Variants in CENPO observed in about 807,000 individuals in gnomAD.
The protein encoded by CENPO is centromere protein O.
Under a neutral mutation model 36.1 loss-of-function variants are expected in CENPO, and 30 were observed. The ratio of observed to expected loss-of-function variants is 0.83; its 90% CI spans 0.62 to 1.13. The LOEUF is 1.13. CENPO is among the 50% of genes most tolerant of loss of function. CENPO has a pLI of 0.00. For synonymous variants in CENPO, 171 were observed against 142.3 expected (o/e 1.20, Z -1.44); for missense variants, 349 against 357.8 (o/e 0.98, Z 0.20).
chr2:24,815,708 G>A lies in CENPO; in HGVS notation c.546G>A (p.Glu182=), dbSNP rs764090580. ...NIQHFLFSLC[E]YLNAYSGRKY... ...AGCACTTCCTGTTCAGTCTCTGCGA[G>A]TACCTGAATGCTTACTCTGGGAGGA... Residue 182 remains glutamate, a synonymous_variant, in exon 5 of 8, where the codon GAG becomes GAA. Transcript: ENST00000380834. The A allele has an allele frequency of 1.9e-6, 3 of 1,614,148 alleles. No homozygotes were observed. The highest frequency in any genetic ancestry group is 2.5e-6 in the Non-Finnish European group (3 of 1,179,982).
At position 24,821,720 on chromosome 2, in the gene CENPO, C is replaced by G. The variant is rs1247841672; in HGVS notation, c.*2402C>G. ...CTCTGCTGCCTTCCCTGGCAGTGTT[C>G]TGGGGGTGGATTCCCTACACCTAGA... On this transcript the variant is annotated 3_prime_UTR_variant, in exon 8 of 8. Transcript: ENST00000380834. The G allele has an allele frequency of 3.2e-6, 5 of 1,562,804 alleles. No individual in the cohort carries two copies. The highest frequency in any genetic ancestry group is 4.3e-6 in the Non-Finnish European group (5 of 1,153,678).
chr2:24,817,723 CTG>C lies in CENPO; in HGVS notation c.822_823del (p.Phe275LeufsTer40), dbSNP rs1667024866. On this transcript the variant is annotated frameshift_variant, in exon 7 of 8. Coordinates refer to ENST00000380834, the MANE Select transcript of CENPO (RefSeq NM_001322101.2). LOFTEE classifies it high-confidence loss of function. Reference protein sequence around the residue: ...WEEQRASHETLFCTKPLHQVF... With the variant: ...WEEQRASHETXFCTKPLHQVF... ...GGAGCAACGAGCATCTCATGAAACT[CTG>C]TTCTGTACGAAGCCCTTGCATCAAG... The C allele has an allele frequency of 1.2e-6, 2 of 1,614,100 alleles. No homozygotes were observed.
chr2:24,808,111 A>G (rs1270426082), intron 3 of CENPO, among the ~76,000 whole-genome samples: 1 of 152,134 alleles, frequency 6.6e-6, no homozygotes, highest in Non-Finnish European at 1.5e-5. Context: ...GTTTTAATGA[A>G]GTTTGATTTA....
rs755422857 is a variant in CENPO at position 24,819,436 on chromosome 2, G to A, written c.*118G>A. On this transcript the variant is annotated 3_prime_UTR_variant, in exon 8 of 8. Coordinates refer to ENST00000380834, the MANE Select transcript of CENPO (RefSeq NM_001322101.2). The stretch of plus-strand genomic sequence containing the variant: ...GACTAAGGGGACAGGAGTTCCAGAA[G>A]AACCTTTCAAGATGATCAGGAACAC... 2 of 153,134 alleles carry A rather than the reference G, an allele frequency of 1.3e-5. No individual in the cohort carries two copies. The highest frequency in any genetic ancestry group is 2.1e-4 in the South Asian group (1 of 4,832). The allele number at this position is 153,134 out of a possible 1,614,324, so 9.5% of individuals were successfully genotyped here.
chr2:24,803,675 T>C (rs1222869423), intron 3 of CENPO, among the ~76,000 whole-genome samples: 1 of 152,244 alleles, frequency 6.6e-6, no homozygotes, highest in East Asian at 1.9e-4. Context: ...GTAGTTTGAT[T>C]GCACTGTCGT....
rs1333561857 is a variant in CENPO at position 24,821,523 on chromosome 2, G to A, written c.*2205G>A. 5 of 1,614,018 alleles carry A rather than the reference G, an allele frequency of 3.1e-6. No homozygotes were observed. Among genetic ancestry groups the A allele is most frequent in the Non-Finnish European group, 3.4e-6 (4 of 1,179,958 alleles). ...GCCAGCTGGGGGTGCTCACCTATGCGCAGCATGAAGTTATTGAAGGACTGG... is the reference window on the plus strand; with the variant it reads ...GCCAGCTGGGGGTGCTCACCTATGCACAGCATGAAGTTATTGAAGGACTGG... On this transcript the variant is annotated 3_prime_UTR_variant, in exon 8 of 8. Transcript: ENST00000380834.
At chr2:24,800,505 T>C (rs1666114293) in intron 3 of CENPO, among the ~76,000 whole-genome samples, 1 of 116,876 alleles carries the variant, frequency 8.6e-6, no homozygotes. Context: ...GGCCCCGGTG[T>C]GTGATGTTCC....
Position 24,821,782 on chromosome 2 carries a change from G to T in CENPO, c.*2464G>T, listed in dbSNP as rs771782940. ...TTACTTTTCCTCCCACAAAGGAGTC[G>T]CAGCCACGCTAGCTCTGACTTGCCA... On this transcript the variant is annotated 3_prime_UTR_variant, in exon 8 of 8. Transcript: ENST00000380834. The T allele has an allele frequency of 1.0e-5, 13 of 1,255,336 alleles. No individual in the cohort carries two copies. The highest frequency in any genetic ancestry group is 1.4e-5 in the Non-Finnish European group (13 of 915,776). The allele number at this position is 1,255,336 out of a possible 1,614,324, so 77.8% of individuals were successfully genotyped here. A position where few individuals can be genotyped will look rare whatever the true frequency, so the allele number is the denominator to read the frequency against.
At chr2:24,805,826 G>A (rs1380557875) in intron 3 of CENPO, among the ~76,000 whole-genome samples, 1 of 152,192 alleles carries the variant, frequency 6.6e-6, no homozygotes, top group Non-Finnish European at 1.5e-5. Context: ...GCTGCGTGCT[G>A]GGAGAACCAC....
At chr2:24,817,988 C>T (rs1667038799) in intron 7 of CENPO, 147 bp downstream of exon 7, 1 of 576,178 alleles carries the variant, frequency 1.7e-6, no homozygotes, top group South Asian at 2.7e-5. Context: ...TTGAACAATT[C>T]CCATGATCAC....
At position 24,821,123 on chromosome 2, in the gene CENPO, G is replaced by A; in HGVS notation, c.*1805G>A. 1 of 469,562 alleles carries A rather than the reference G, an allele frequency of 2.1e-6. No homozygotes were observed. Among genetic ancestry groups the A allele is most frequent in the South Asian group, 2.8e-5 (1 of 35,604 alleles). The allele number at this position is 469,562 out of a possible 1,614,324, so 29.1% of individuals were successfully genotyped here. ...CACAGCTGGTATTTCAAGTCTCCTG[G>A]GACCTCACTCAGGAATGATACCCCC... On this transcript the variant is annotated 3_prime_UTR_variant, in exon 8 of 8. Transcript: ENST00000380834.
chr2:24,793,551 C>G, intron 1 of CENPO, 50 bp downstream of exon 1: 1 of 1,522,750 alleles, frequency 6.6e-7, no homozygotes, highest in Non-Finnish European at 8.8e-7. Context: ...CGGACCGGAC[C>G]GTGGCCAGGG....
At chr2:24,804,739 TC>T (rs1666307312) in intron 3 of CENPO, among the ~76,000 whole-genome samples, 1 of 152,216 alleles carries the variant, frequency 6.6e-6, no homozygotes, top group South Asian at 2.1e-4. Flanking sequence ...GCCCGACCTT[TC>T]TCTCTGGCTG....
Position 24,821,776 on chromosome 2 carries a change from G to C in CENPO, c.*2458G>C. 1 of 1,345,422 alleles carries C rather than the reference G, an allele frequency of 7.4e-7. No homozygotes were observed. The highest frequency in any genetic ancestry group is 1.5e-5 in the African/African-American group (1 of 68,646). The allele number at this position is 1,345,422 out of a possible 1,614,324, so 83.3% of individuals were successfully genotyped here. ...AAGGCCTTACTTTTCCTCCCACAAA[G>C]GAGTCGCAGCCACGCTAGCTCTGAC... On this transcript the variant is annotated 3_prime_UTR_variant, in exon 8 of 8. Coordinates refer to ENST00000380834, the MANE Select transcript of CENPO (RefSeq NM_001322101.2).
intron 2 of CENPO, among the ~76,000 whole-genome samples, chr2:24,797,079 C>T (rs558584252): frequency 6.6e-6 from 1 of 152,262 alleles, no homozygotes; most frequent in South Asian, 2.1e-4. Flanking sequence ...GTATGGGCCA[C>T]CTAGGAAACT....
At chr2:24,802,045 C>T (rs1251416149) in intron 3 of CENPO, among the ~76,000 whole-genome samples, 2 of 152,168 alleles carry the variant, frequency 1.3e-5, no homozygotes, top group African/African-American at 2.4e-5. Flanking sequence ...TCCTTCACAT[C>T]CCTTGTAAGT....
chr2:24,821,770 C>G lies in CENPO; in HGVS notation c.*2452C>G, dbSNP rs1269671926. ...ATGTTCAAGGCCTTACTTTTCCTCCCACAAAGGAGTCGCAGCCACGCTAGC... is the reference window on the plus strand; with the variant it reads ...ATGTTCAAGGCCTTACTTTTCCTCCGACAAAGGAGTCGCAGCCACGCTAGC... On this transcript the variant is annotated 3_prime_UTR_variant, in exon 8 of 8. Transcript: ENST00000380834. The G allele has an allele frequency of 1.4e-6, 2 of 1,394,070 alleles. No homozygotes were observed. The highest frequency in any genetic ancestry group is 1.9e-6 in the Non-Finnish European group (2 of 1,038,632). The allele number at this position is 1,394,070 out of a possible 1,614,324, so 86.4% of individuals were successfully genotyped here.
intron 3 of CENPO, among the ~76,000 whole-genome samples, chr2:24,804,217 A>T (rs1328332083): frequency 1.3e-5 from 2 of 151,928 alleles, no homozygotes; most frequent in African/African-American, 2.4e-5. Context: ...TTTGAGCCTA[A>T]GTGTGTCTCT....
chr2:24,811,262 T>TG lies in CENPO; in HGVS notation c.217-3112dup, dbSNP rs1274124865. On this transcript the variant is annotated intron_variant, in intron 3 of 7. Transcript: ENST00000380834. ...GCCTGGCCAATGTTTGTCTTTTAAT[T>TG]GGAGTATTTAGTCCATGAACTTTTT... Among the ~76,000 whole-genome samples the TG allele has an allele frequency of 8.7e-5, 13 of 149,302 alleles. No homozygotes were observed. In the South Asian group the frequency reaches 2.3e-3, roughly 27 times the overall value.
Sources: allele counts gnomAD v4.1 joint callset (sites outside exome capture counted in the v4.1 genomes callset), GRCh38; gene constraint gnomAD v4.1.1; transcripts MANE v1.5; gene names NCBI Gene and HGNC (gene_info 2026-07-23, HGNC 2026-07-21).